Variants in CSMD1 observed in about 807,000 individuals in gnomAD.
CSMD1 encodes CUB and Sushi multiple domains 1.
CSMD1 carries 213 observed loss-of-function variants against 417.5 expected under a neutral mutation model. That is an observed-to-expected ratio of 0.51 (90% confidence interval 0.46 to 0.57). CSMD1 has a LOEUF of 0.57. Ranked by LOEUF, CSMD1 falls within the 20% of genes least tolerant of loss-of-function variation. CSMD1 has a pLI of 0.00. For missense variants in CSMD1, 6,923 were observed against 4,529.7 expected (o/e 1.53, Z -15.17); for synonymous variants, 2,862 against 1,736.8 (o/e 1.65, Z -16.11).
intron 5 of CSMD1, among the ~76,000 whole-genome samples, chr8:3,919,318 G>A (rs1360365320): frequency 6.6e-6 from 1 of 151,870 alleles, no homozygotes; most frequent in Non-Finnish European, 1.5e-5. Context: ...AATTTTGTGT[G>A]GTCTAACACG....
intron 5 of CSMD1, among the ~76,000 whole-genome samples, chr8:3,927,659 G>C (rs1414243176): frequency 6.6e-6 from 1 of 151,990 alleles, no homozygotes; most frequent in Non-Finnish European, 1.5e-5. Context: ...AGTGAAACAA[G>C]TGAAACTTCA....
intron 1 of CSMD1, among the ~76,000 whole-genome samples, chr8:4,974,107 G>A (rs574518051): frequency 1.3e-5 from 2 of 151,976 alleles, no homozygotes; most frequent in Non-Finnish European, 2.9e-5. Flanking sequence ...TGCAATCTCC[G>A]CCTCTTGGGC....
chr8:3,629,973 G>T (rs1796697118), intron 7 of CSMD1, among the ~76,000 whole-genome samples: 1 of 152,200 alleles, frequency 6.6e-6, no homozygotes, highest in African/African-American at 2.4e-5. Flanking sequence ...TTAAAAACTG[G>T]CAAAAAATGT....
chr8:4,367,483 C>T (rs112817566), intron 3 of CSMD1, among the ~76,000 whole-genome samples: 45 of 152,262 alleles, frequency 3.0e-4, no homozygotes, highest in Admixed American at 7.2e-4. Flanking sequence ...AGTTTGAAAT[C>T]GGGTAGTGTG....
chr8:4,338,129 A>G (rs1030255974), intron 3 of CSMD1, among the ~76,000 whole-genome samples: 2 of 152,124 alleles, frequency 1.3e-5, no homozygotes, highest in African/African-American at 2.4e-5. Context: ...GAGAATTACT[A>G]TGATTTTTAT....
intron 1 of CSMD1, among the ~76,000 whole-genome samples, chr8:4,863,591 C>T (rs959422591): frequency 2.0e-5 from 3 of 152,120 alleles, no homozygotes; most frequent in African/African-American, 7.2e-5. Flanking sequence ...TGCACAATCT[C>T]TTCATATTCT....
chr8:3,426,934 T>A (rs532966178), intron 12 of CSMD1, among the ~76,000 whole-genome samples: 1 of 152,264 alleles, frequency 6.6e-6, no homozygotes, highest in South Asian at 2.1e-4. Context: ...TCAGGAAACT[T>A]ACAATCGTGG....
chr8:4,887,452 G>A (rs934643477), intron 1 of CSMD1, among the ~76,000 whole-genome samples: 1 of 151,810 alleles, frequency 6.6e-6, no homozygotes, highest in Non-Finnish European at 1.5e-5. Context: ...TTTTTCACTT[G>A]GCTACTTTTA....
chr8:3,226,190 A>G (rs577612498), intron 27 of CSMD1, among the ~76,000 whole-genome samples: 1 of 152,308 alleles, frequency 6.6e-6, no homozygotes, highest in South Asian at 2.1e-4. Context: ...CCTAGGATAC[A>G]TTTTGGCTTT....
intron 26 of CSMD1, among the ~76,000 whole-genome samples, chr8:3,260,041 C>G (rs1181916614): frequency 2.0e-5 from 3 of 152,122 alleles, no homozygotes; most frequent in Admixed American, 2.0e-4. Flanking sequence ...AAGGTTTGCT[C>G]CTCCCCGGTA....
chr8:3,976,826 C>G (rs1407222404), intron 5 of CSMD1, among the ~76,000 whole-genome samples: 4 of 152,062 alleles, frequency 2.6e-5, no homozygotes, highest in Non-Finnish European at 5.9e-5. Context: ...CATCTGTGAC[C>G]TCAACCACTG....
chr8:4,870,742 A>G (rs1456395668), intron 1 of CSMD1, among the ~76,000 whole-genome samples: 1 of 152,102 alleles, frequency 6.6e-6, no homozygotes, highest in East Asian at 1.9e-4. Context: ...TCATTTAACT[A>G]TGTGAGCCTG....
At chr8:4,061,289 A>G (rs1354851334) in intron 3 of CSMD1, among the ~76,000 whole-genome samples, 2 of 152,218 alleles carry the variant, frequency 1.3e-5, no homozygotes, top group Non-Finnish European at 2.9e-5. Context: ...ACAGAGAGGT[A>G]CATCTTATCA....
chr8:2,955,697 A>C lies in CSMD1; in HGVS notation c.9886T>G (p.Tyr3296Asp). Residue 3296 changes from tyrosine to aspartate, a missense_variant, in exon 64 of 70, where the codon TAC (tyrosine) becomes GAC (aspartate). Tyr to Asp is a radical substitution (Grantham distance 160, BLOSUM62 -3). Transcript: ENST00000635120. ...VRAIDLPTFG[Y>D]TLVYTCHPGF... ...GGATGGCAGGTGTACACTAAGGTGT[A>C]GCCGAAAGTAGGAAGATCGATGGCT... The C allele has an allele frequency of 6.2e-7, 1 of 1,613,946 alleles. No homozygotes were observed. Among genetic ancestry groups the C allele is most frequent in the Non-Finnish European group, 8.5e-7 (1 of 1,179,836 alleles).
At chr8:3,305,599 A>G (rs910209616) in intron 25 of CSMD1, among the ~76,000 whole-genome samples, 1 of 151,416 alleles carries the variant, frequency 6.6e-6, no homozygotes, top group Admixed American at 6.6e-5. Flanking sequence ...CACCATGTGG[A>G]CTCATCATCT....
rs1801392285 is a variant in CSMD1 at position 2,935,498 on chromosome 8, A to G, written c.*3087T>C. The G allele has an allele frequency of 1.3e-5, 2 of 152,210 alleles. No individual in the cohort carries two copies. Among genetic ancestry groups the G allele is most frequent in the African/African-American group, 2.4e-5 (1 of 41,454 alleles). The allele number at this position is 152,210 out of a possible 1,614,324, so 9.4% of individuals were successfully genotyped here. The stretch of plus-strand genomic sequence containing the variant: ...TTTAACAGGCCACTTTAATATTAAT[A>G]CATGTGTAATAGGATTGGAACTGAA... On this transcript the variant is annotated 3_prime_UTR_variant, in exon 70 of 70. Transcript: ENST00000635120.
intron 8 of CSMD1, among the ~76,000 whole-genome samples, chr8:3,590,485 C>T (rs1800799516): frequency 6.6e-6 from 1 of 152,122 alleles, no homozygotes; most frequent in African/African-American, 2.4e-5. Flanking sequence ...CGGAGGATTG[C>T]TCCTGAGCTT....
At chr8:3,202,976 G>C (rs1797069372) in intron 31 of CSMD1, among the ~76,000 whole-genome samples, 1 of 152,094 alleles carries the variant, frequency 6.6e-6, no homozygotes, top group Admixed American at 6.5e-5. Flanking sequence ...TACAGATCTT[G>C]CTCATACCAT....
intron 55 of CSMD1, among the ~76,000 whole-genome samples, chr8:2,976,515 T>C (rs951354943): frequency 1.3e-5 from 2 of 152,096 alleles, no homozygotes; most frequent in African/African-American, 4.8e-5. Context: ...CCCACTAGTT[T>C]TTATTTTATT....
Sources: allele counts gnomAD v4.1 joint callset (sites outside exome capture counted in the v4.1 genomes callset), GRCh38; gene constraint gnomAD v4.1.1; transcripts MANE v1.5; gene names NCBI Gene and HGNC (gene_info 2026-07-23, HGNC 2026-07-21).